The following DGKB variants were observed in gnomAD, a reference collection of about 807,000 sequenced individuals.
The protein encoded by DGKB is 90 kDa diacylglycerol kinase.
In DGKB, 67 loss-of-function variants were observed where a neutral mutation model predicts 114.3. That is an observed-to-expected ratio of 0.59 (90% CI 0.48 to 0.72). DGKB has a LOEUF of 0.72. DGKB is among the 30% of genes least tolerant of loss of function. The pLI, the probability that DGKB is intolerant of heterozygous loss-of-function variation, is 0.00. For missense variants in DGKB, 907 were observed against 975.2 expected, an observed-to-expected ratio of 0.93 and a Z score of 0.93; for synonymous variants, 398 against 323.1, an observed-to-expected ratio of 1.23 and a Z score of -2.49.
chr7:14,944,519 T>C (rs1041312407), intron 1 of DGKB, among the ~76,000 whole-genome samples: 1 of 151,944 alleles, frequency 6.6e-6, no homozygotes, highest in African/African-American at 2.4e-5. Flanking sequence ...ATGAACTTTC[T>C]TGAGAAGTAA....
chr7:14,869,657 A>G, intron 1 of DGKB, among the ~76,000 whole-genome samples: 1 of 152,188 alleles, frequency 6.6e-6, no homozygotes, highest in African/African-American at 2.4e-5. Flanking sequence ...GTGAAAATAG[A>G]CCATTAATAG....
chr7:14,547,326 T>A (rs1006325674), intron 20 of DGKB, among the ~76,000 whole-genome samples: 1 of 152,100 alleles, frequency 6.6e-6, no homozygotes, highest in African/African-American at 2.4e-5. Context: ...ACATACCACA[T>A]AAAGGATATA....
intron 20 of DGKB, among the ~76,000 whole-genome samples, chr7:14,569,262 A>G (rs1037831571): frequency 2.0e-5 from 3 of 152,244 alleles, no homozygotes; most frequent in South Asian, 2.1e-4. Context: ...TCCCCATATT[A>G]TGCTCAGGTA....
chr7:14,541,706 G>A (rs1190710927), intron 20 of DGKB, among the ~76,000 whole-genome samples: 1 of 152,110 alleles, frequency 6.6e-6, no homozygotes, highest in Non-Finnish European at 1.5e-5. Flanking sequence ...AGGCTTTTCT[G>A]AGCAATCACA....
intron 13 of DGKB, among the ~76,000 whole-genome samples, chr7:14,657,900 T>C (rs1327901892): frequency 6.6e-6 from 1 of 151,928 alleles, no homozygotes; most frequent in Admixed American, 6.6e-5. Context: ...ACAGAAAGTT[T>C]CCATACTACT....
intron 17 of DGKB, among the ~76,000 whole-genome samples, chr7:14,597,062 AC>A (rs769360385): frequency 1.3e-5 from 2 of 152,138 alleles, no homozygotes; most frequent in Non-Finnish European, 2.9e-5. Context: ...ATAGCATAAT[AC>A]TGGTCAGAGA....
chr7:14,186,319 C>T (rs1374490355), intron 23 of DGKB, among the ~76,000 whole-genome samples: 1 of 152,090 alleles, frequency 6.6e-6, no homozygotes, highest in East Asian at 1.9e-4. Flanking sequence ...TGCTATACCA[C>T]CTTATTCCTG....
chr7:14,864,460 A>T (rs1039868635), intron 1 of DGKB, among the ~76,000 whole-genome samples: 1 of 152,210 alleles, frequency 6.6e-6, no homozygotes, highest in Admixed American at 6.5e-5. Context: ...CATTCTAGTG[A>T]TACAAAGGTA....
At chr7:14,814,546 T>C (rs1451550865) in intron 2 of DGKB, among the ~76,000 whole-genome samples, 1 of 152,144 alleles carries the variant, frequency 6.6e-6, no homozygotes, top group Non-Finnish European at 1.5e-5. Flanking sequence ...TAAAAATGAG[T>C]AATCTTCAAG....
chr7:14,851,069 T>C (rs1239764709), intron 1 of DGKB, among the ~76,000 whole-genome samples: 1 of 152,206 alleles, frequency 6.6e-6, no homozygotes, highest in Non-Finnish European at 1.5e-5. Flanking sequence ...TTCTCTTTGC[T>C]TTTACAAGTA....
chr7:14,597,191 G>C (rs1802726506), intron 17 of DGKB, among the ~76,000 whole-genome samples: 1 of 152,124 alleles, frequency 6.6e-6, no homozygotes, highest in South Asian at 2.1e-4. Context: ...CTGGGCGACA[G>C]AGCAAGACTC....
chr7:14,710,421 C>T (rs1174825102), intron 6 of DGKB, among the ~76,000 whole-genome samples: 2 of 152,096 alleles, frequency 1.3e-5, no homozygotes, highest in African/African-American at 2.4e-5. Context: ...CTATAGATTA[C>T]TGGGTAGTCT....
intron 8 of DGKB, among the ~76,000 whole-genome samples, chr7:14,695,671 T>C (rs889737115): frequency 2.0e-5 from 3 of 151,776 alleles, no homozygotes; most frequent in South Asian, 4.2e-4. Context: ...GGCTGATTTT[T>C]TTTGTGTGTG....
At chr7:14,191,689 G>A (rs374087401) in intron 23 of DGKB, 21 of 324,432 alleles carry the variant, frequency 6.5e-5, no homozygotes, top group African/African-American at 2.4e-4. Flanking sequence ...GGGACAAAGG[G>A]GGCTTCAATG....
At chr7:14,822,487 A>C (rs1683850604) in intron 2 of DGKB, among the ~76,000 whole-genome samples, 1 of 152,182 alleles carries the variant, frequency 6.6e-6, no homozygotes, top group African/African-American at 2.4e-5. Context: ...TACTAAGTCA[A>C]ATAATTTGAA....
In DGKB at chr7:14,973,949, A is replaced by T. The variant is rs1455302856; in HGVS notation, c.-188+747T>A. On this transcript the variant is annotated intron_variant, in intron 1 of 4. Coordinates refer to the DGKB transcript ENST00000437998. ...TAAAATTATTTAAAATAAAATTAAAACATACTATTTAAAATATATTATTTA... is the reference window on the plus strand; with the variant it reads ...TAAAATTATTTAAAATAAAATTAAATCATACTATTTAAAATATATTATTTA... 2.0e-5 allele frequency among the ~76,000 whole-genome samples: 3 copies of T among 150,096 alleles called. No homozygotes were observed. The East Asian group carries it at 5.8e-4, about 29-fold the overall frequency.
At chr7:14,958,090 A>G (rs1786617246) in intron 1 of DGKB, among the ~76,000 whole-genome samples, 2 of 152,034 alleles carry the variant, frequency 1.3e-5, no homozygotes, top group African/African-American at 2.4e-5. Flanking sequence ...TACAAATTCT[A>G]GATTGTTCTT....
intron 1 of DGKB, among the ~76,000 whole-genome samples, chr7:14,854,659 A>C (rs1013650908): frequency 1.3e-5 from 2 of 152,086 alleles, no homozygotes; most frequent in African/African-American, 4.8e-5. Flanking sequence ...CCCACTGCTC[A>C]CCTCCTGCTG....
intron 2 of DGKB, among the ~76,000 whole-genome samples, chr7:14,770,997 T>G (rs572377639): frequency 6.6e-6 from 1 of 152,160 alleles, no homozygotes; most frequent in Admixed American, 6.6e-5. Flanking sequence ...AAATAAGTTT[T>G]ATTGGGGGTA....
Sources: allele counts gnomAD v4.1 joint callset (sites outside exome capture counted in the v4.1 genomes callset), GRCh38; gene constraint gnomAD v4.1.1; transcripts MANE v1.5; gene names NCBI Gene and HGNC (gene_info 2026-07-23, HGNC 2026-07-21).